Variants in NBEAL1 observed in about 807,000 individuals in gnomAD.
The protein encoded by NBEAL1 is neurobeachin like 1.
In NBEAL1, 273 loss-of-function variants were observed where a neutral mutation model predicts 351.3. That is an observed-to-expected ratio of 0.78 (90% CI 0.70 to 0.86). NBEAL1 has a LOEUF of 0.86. Among genes scored for constraint, NBEAL1 ranks in the 40% least tolerant of loss-of-function variants. The probability of loss-of-function intolerance (pLI) is 0.00; values close to 1 mark genes in which losing one functional copy is unlikely to be tolerated. For synonymous variants in NBEAL1, 1,050 were observed against 1,086.4 expected, an observed-to-expected ratio of 0.97 and a Z score of 0.66; for missense variants, 2,961 against 3,201.3, an observed-to-expected ratio of 0.92 and a Z score of 1.81.
chr2:203,112,048 A>G lies in NBEAL1; in HGVS notation c.2152A>G (p.Asn718Asp). ...TCAGAGCTTCGTCTATATCTATGAC[A>G]ATGGACAACAGAAGGTTTCTGCCCC... Reference protein sequence around the residue: ...FGQSFVYIYDNGQQKVSAPLR... With the variant: ...FGQSFVYIYDDGQQKVSAPLR... Residue 718 changes from asparagine to aspartate, a missense_variant, in exon 16 of 56, where the codon AAT becomes GAT. Asn to Asp is a conservative substitution (Grantham distance 23). Transcript: ENST00000683969. 1 of 1,552,602 alleles carries G rather than the reference A, an allele frequency of 6.4e-7. No individual in the cohort carries two copies. The highest frequency in any genetic ancestry group is 1.7e-4 in the Middle Eastern group (1 of 5,996).
At chr2:203,160,242 C>T (rs187501260) in intron 36 of NBEAL1, among the ~76,000 whole-genome samples, 16 of 151,984 alleles carry the variant, frequency 1.1e-4, no homozygotes, top group African/African-American at 3.6e-4. Context: ...ACCATGCTCC[C>T]GCTAATTTTT....
Position 203,038,861 on chromosome 2 carries a change from G to A in NBEAL1, c.52-2904G>A, listed in dbSNP as rs1470274399. Among the ~76,000 whole-genome samples, 2 of 148,064 alleles carry A rather than the reference G, an allele frequency of 1.4e-5. 1 individual carries two copies. The highest frequency in any genetic ancestry group is 3.0e-5 in the Non-Finnish European group (2 of 66,100). On this transcript the variant is annotated intron_variant, in intron 2 of 55. Coordinates refer to ENST00000683969, the MANE Select transcript of NBEAL1 (RefSeq NM_001378026.1). Reference sequence around the variant, plus strand: ...CCAAGCTAATTTTTTTCTATTTTTTGAAGAGATGGGATCTCACTATGTTGC... The same window carrying A: ...CCAAGCTAATTTTTTTCTATTTTTTAAAGAGATGGGATCTCACTATGTTGC...
At chr2:203,063,658 G>C (rs1349500770) in intron 6 of NBEAL1, among the ~76,000 whole-genome samples, 2 of 152,112 alleles carry the variant, frequency 1.3e-5, no homozygotes, top group Non-Finnish European at 2.9e-5. Context: ...TATACTTATT[G>C]AGTTTCTACT....
At position 203,135,953 on chromosome 2, in the gene NBEAL1, C is replaced by T. The variant is rs181112551; in HGVS notation, c.4090C>T (p.His1364Tyr). ...GGATCAGTGGAGTTTGGAGGATAGA[C>T]ACTCTTTAGACTCAAACACACCATT... ...SSDQWSLEDRHSLDSNTPLFP... is the reference protein window; with the variant it reads ...SSDQWSLEDRYSLDSNTPLFP... Residue 1364 changes from histidine to tyrosine, a missense_variant, in exon 28 of 56, where the codon CAC becomes TAC. By Grantham distance (83) the His-to-Tyr change is moderately conservative (BLOSUM62 2). Coordinates refer to ENST00000683969, the MANE Select transcript of NBEAL1 (RefSeq NM_001378026.1). 85 of 1,614,152 alleles carry T rather than the reference C, an allele frequency of 5.3e-5. 2 individuals carry two copies. The Admixed American group carries it at 1.2e-3, about 22-fold the overall frequency.
At chr2:203,042,356 AG>A (rs1367466265) in intron 3 of NBEAL1, among the ~76,000 whole-genome samples, 1 of 152,224 alleles carries the variant, frequency 6.6e-6, no homozygotes, top group Non-Finnish European at 1.5e-5. Context: ...AAGGTGTGGA[AG>A]GGTCTGGAGG....
In NBEAL1 at chr2:203,224,992, A is replaced by G. The variant is rs1258072193; in HGVS notation, c.*7638A>G. Among the ~76,000 whole-genome samples, 1 of 152,140 alleles carries G rather than the reference A, an allele frequency of 6.6e-6. No homozygotes were observed. Among genetic ancestry groups the G allele is most frequent in the Non-Finnish European group, 1.5e-5 (1 of 67,990 alleles). ...ATTAAGTGCTATTTTTAAAAAATTCATTGTGTGTATATGAGCTAATACTTG... is the reference window on the plus strand; with the variant it reads ...ATTAAGTGCTATTTTTAAAAAATTCGTTGTGTGTATATGAGCTAATACTTG... On this transcript the variant is annotated 3_prime_UTR_variant, in exon 56 of 56. Transcript: ENST00000683969.
At chr2:203,038,296 A>G (rs894661289) in intron 2 of NBEAL1, among the ~76,000 whole-genome samples, 4 of 148,928 alleles carry the variant, frequency 2.7e-5, no homozygotes, top group African/African-American at 9.8e-5. Flanking sequence ...AAACTTTTCT[A>G]AGTGGTGATC....
chr2:203,047,434 C>T (rs2061247184), intron 3 of NBEAL1, among the ~76,000 whole-genome samples: 1 of 152,086 alleles, frequency 6.6e-6, no homozygotes, highest in Non-Finnish European at 1.5e-5. Flanking sequence ...TGTATGATAA[C>T]TTCCATTTTT....
At position 203,220,368 on chromosome 2, in the gene NBEAL1, C is replaced by G. The variant is rs2065941246; in HGVS notation, c.*3014C>G. Among the ~76,000 whole-genome samples the G allele has an allele frequency of 6.6e-6, 1 of 151,994 alleles. No individual in the cohort carries two copies. The highest frequency in any genetic ancestry group is 2.4e-5 in the African/African-American group (1 of 41,358). ...GCATGGTGGCAGGTGCCTGTAGTCC[C>G]AGCTACTCAGGAGGCTGAGGCAGGA... On this transcript the variant is annotated 3_prime_UTR_variant, in exon 56 of 56. Transcript: ENST00000683969.
Position 203,136,595 on chromosome 2 carries a change from A to G in NBEAL1, c.4390-4A>G. The G allele has an allele frequency of 1.3e-6, 2 of 1,596,978 alleles. No homozygotes were observed. The highest frequency in any genetic ancestry group is 1.3e-5 in the African/African-American group (1 of 74,394). ...TATTTAAAATTACTTTATATTTTCC[A>G]TAGAGATGTGAGGAGGAGCTTCTTC... On this transcript the variant is annotated splice_polypyrimidine_tract_variant and splice_region_variant and intron_variant, in intron 28 of 55. Coordinates refer to ENST00000683969, the MANE Select transcript of NBEAL1 (RefSeq NM_001378026.1).
At chr2:203,053,655 G>A (rs1027380713) in intron 4 of NBEAL1, among the ~76,000 whole-genome samples, 2 of 151,752 alleles carry the variant, frequency 1.3e-5, no homozygotes, top group Non-Finnish European at 2.9e-5. Context: ...AAGTGGGACC[G>A]CAGGTACATG....
intron 42 of NBEAL1, among the ~76,000 whole-genome samples, chr2:203,178,664 C>G (rs1464346969): frequency 6.6e-6 from 1 of 152,096 alleles, no homozygotes; most frequent in Non-Finnish European, 1.5e-5. Flanking sequence ...TACAAAAGGG[C>G]ACATATTACA....
At position 203,062,259 on chromosome 2, in the gene NBEAL1, T is replaced by C. The variant is rs774803270; in HGVS notation, c.515+4806T>C. ...TGACTTGATCGTCAACATTCTGGTC[T>C]TCCCATTTGTTTTCTGTAGAAGCCA... On this transcript the variant is annotated intron_variant, in intron 6 of 55. Coordinates refer to ENST00000683969, the MANE Select transcript of NBEAL1 (RefSeq NM_001378026.1). The surrounding 1 kb of genome is among the most constrained non-coding windows in gnomAD (Gnocchi z 4.2). 4 of 460,294 alleles carry C rather than the reference T, an allele frequency of 8.7e-6. No individual in the cohort carries two copies. Among genetic ancestry groups the C allele is most frequent in the Non-Finnish European group, 1.7e-5 (4 of 228,692 alleles). The allele number at this position is 460,294 out of a possible 1,614,324, so 28.5% of individuals were successfully genotyped here.
At chr2:203,169,568 C>T (rs1193389673) in intron 38 of NBEAL1, among the ~76,000 whole-genome samples, 179 bp from the exon 39 acceptor site, 1 of 151,912 alleles carries the variant, frequency 6.6e-6, no homozygotes, top group Non-Finnish European at 1.5e-5. Context: ...GCCAAGATCA[C>T]ACCACTGCAC....
chr2:203,203,574 C>T (rs1485786945), intron 51 of NBEAL1, among the ~76,000 whole-genome samples: 1 of 151,906 alleles, frequency 6.6e-6, no homozygotes, highest in African/African-American at 2.4e-5. Context: ...CCCAGCTGAG[C>T]GTGGGACATG....
intron 10 of NBEAL1, among the ~76,000 whole-genome samples, chr2:203,087,443 C>T (rs1173342944): frequency 6.6e-6 from 1 of 152,126 alleles, no homozygotes; most frequent in Non-Finnish European, 1.5e-5. Context: ...CTCTTTGATA[C>T]ATCAATGTTA....
At chr2:203,168,155 A>G (rs143005867) in intron 38 of NBEAL1, among the ~76,000 whole-genome samples, 1 of 152,210 alleles carries the variant, frequency 6.6e-6, no homozygotes, top group South Asian at 2.1e-4. Flanking sequence ...AATACAAAGC[A>G]TGTGTTTTAT....
chr2:203,084,825 A>G (rs1261169783), intron 10 of NBEAL1: 1 of 261,342 alleles, frequency 3.8e-6, no homozygotes, highest in African/African-American at 2.2e-5. Context: ...TTTTCATTCT[A>G]TCCAGAAATA....
intron 26 of NBEAL1, among the ~76,000 whole-genome samples, chr2:203,132,350 A>G (rs1425763785): frequency 1.3e-5 from 2 of 152,264 alleles, no homozygotes; most frequent in African/African-American, 2.4e-5. Context: ...GATTAAGTTA[A>G]TAAGTGAGTC....
Sources: gnomAD v4.1 joint callset for allele counts (sites outside exome capture counted in the v4.1 genomes callset) on GRCh38, gnomAD v4.1.1 for gene constraint, Gnocchi (gnomAD v3.1) non-coding constraint, MANE v1.5 for transcripts, NCBI Gene and HGNC (gene_info 2026-07-23, HGNC 2026-07-21) for gene names.